The following NBAS variants were observed in gnomAD, a reference collection of about 807,000 sequenced individuals.
NBAS encodes NAG/BC035112 fusion.
Under a neutral mutation model 302.5 loss-of-function variants are expected in NBAS, and 219 were observed. That is an observed-to-expected ratio of 0.72 (90% CI 0.65 to 0.81). The LOEUF (loss-of-function observed/expected upper bound fraction) is 0.81. NBAS is among the 30% of genes least tolerant of loss of function. The pLI is 0.00. For missense variants in NBAS, 2,932 were observed against 2,841.6 expected (o/e 1.03, Z -0.72); for synonymous variants, 1,118 against 1,021.6 (o/e 1.09, Z -1.80).
the NBAS span, among the ~76,000 whole-genome samples, chr2:15,108,911 T>C: frequency 1.3e-5 from 2 of 152,128 alleles, no homozygotes; most frequent in African/African-American, 4.8e-5. Context: ...TAAAACCTGC[T>C]AAATACCACT....
At chr2:15,216,831 A>C (rs901294659) in intron 48 of NBAS, among the ~76,000 whole-genome samples, 1 of 152,228 alleles carries the variant, frequency 6.6e-6, no homozygotes, top group African/African-American at 2.4e-5. Context: ...CTGACATAAC[A>C]TAAAGTGAGG....
the NBAS span, among the ~76,000 whole-genome samples, chr2:14,946,877 G>A: frequency 1.8e-3 from 268 of 152,200 alleles, 1 homozygote; most frequent in African/African-American, 6.0e-3. Context: ...AGAAACCTCA[G>A]AAACTTCACA....
chr2:15,426,014 T>C (rs557933246), intron 22 of NBAS, among the ~76,000 whole-genome samples: 4 of 152,100 alleles, frequency 2.6e-5, no homozygotes, highest in Non-Finnish European at 5.9e-5. Context: ...TTAGCCCAGC[T>C]CTCTTCTTGC....
the NBAS span, among the ~76,000 whole-genome samples, chr2:14,854,541 T>TA: frequency 0.062 from 8,830 of 142,848 alleles, 816 homozygotes; most frequent in African/African-American, 0.21. Flanking sequence ...GAGATAAAAT[T>TA]AAAAAAAAAA....
the NBAS span, among the ~76,000 whole-genome samples, chr2:14,915,283 T>C: frequency 6.6e-6 from 1 of 152,230 alleles, no homozygotes; most frequent in African/African-American, 2.4e-5. Flanking sequence ...AGGAGCTCAG[T>C]GCTGAAAAAC....
chr2:15,485,409 A>G (rs1354475396), intron 12 of NBAS, among the ~76,000 whole-genome samples: 2 of 152,230 alleles, frequency 1.3e-5, no homozygotes, highest in Admixed American at 6.5e-5. Context: ...AAATGTGTGT[A>G]GTACACTCTG....
At chr2:15,332,772 C>G (rs1672411957) in intron 35 of NBAS, among the ~76,000 whole-genome samples, 1 of 152,216 alleles carries the variant, frequency 6.6e-6, no homozygotes, top group Admixed American at 6.5e-5. Flanking sequence ...GTGCCTCCTC[C>G]TGGGTTCCAG....
chr2:14,808,958 C>T, the NBAS span, among the ~76,000 whole-genome samples: 1 of 152,168 alleles, frequency 6.6e-6, no homozygotes, highest in African/African-American at 2.4e-5. Flanking sequence ...AGCAAAGAAA[C>T]TGGTGGCATT....
At chr2:15,012,520 G>A in the NBAS span, among the ~76,000 whole-genome samples, 11 of 152,078 alleles carry the variant, frequency 7.2e-5, 1 homozygote, top group Admixed American at 2.6e-4. Flanking sequence ...CTAAGTCTTG[G>A]GAGAGAGATG....
chr2:15,364,875 A>G (rs1172343372), intron 32 of NBAS, among the ~76,000 whole-genome samples: 1 of 152,062 alleles, frequency 6.6e-6, no homozygotes, highest in Admixed American at 6.5e-5. Flanking sequence ...TTTTCTGGAG[A>G]GAGAAAAATA....
At chr2:14,792,891 A>T in the NBAS span, among the ~76,000 whole-genome samples, 1 of 152,190 alleles carries the variant, frequency 6.6e-6, no homozygotes, top group African/African-American at 2.4e-5. Context: ...AAACTGTGTC[A>T]GCCTAAAATT....
chr2:15,352,510 G>A (rs1673411837), intron 34 of NBAS, among the ~76,000 whole-genome samples: 1 of 152,192 alleles, frequency 6.6e-6, no homozygotes, highest in Non-Finnish European at 1.5e-5. Flanking sequence ...GGAGGGATTT[G>A]AAGGACAAGT....
intron 30 of NBAS, among the ~76,000 whole-genome samples, chr2:15,379,199 T>C (rs531209838): frequency 6.6e-6 from 1 of 150,584 alleles, no homozygotes; most frequent in East Asian, 1.9e-4. Flanking sequence ...TCTCTCTCTT[T>C]TTTTTTTTCA....
intron 1 of NBAS, among the ~76,000 whole-genome samples, chr2:15,559,101 G>A (rs907902383): frequency 5.4e-4 from 75 of 137,980 alleles, no homozygotes; most frequent in Admixed American, 1.4e-3. Context: ...GACACAGGAC[G>A]CGGGACAATA....
At chr2:15,440,961 G>A (rs1368778713) in intron 21 of NBAS, among the ~76,000 whole-genome samples, 1 of 152,016 alleles carries the variant, frequency 6.6e-6, no homozygotes, top group Non-Finnish European at 1.5e-5. Flanking sequence ...AGAGAAAAAA[G>A]AATAAAAAGA....
At chr2:15,039,822 T>G in the NBAS span, among the ~76,000 whole-genome samples, 1 of 152,216 alleles carries the variant, frequency 6.6e-6, no homozygotes, top group Non-Finnish European at 1.5e-5. Flanking sequence ...CCTGGGAGGC[T>G]GATCATCTCC....
chr2:14,903,870 C>CA, the NBAS span, among the ~76,000 whole-genome samples: 3,479 of 152,194 alleles, frequency 0.023, 45 homozygotes, highest in Non-Finnish European at 0.036. Context: ...ATGTTAGACA[C>CA]AGCAGGGCCT....
At chr2:15,387,106 C>T (rs1343528786) in intron 28 of NBAS, among the ~76,000 whole-genome samples, 1 of 143,484 alleles carries the variant, frequency 7.0e-6, no homozygotes, top group African/African-American at 2.6e-5. Context: ...CTGAAGGAGT[C>T]GCCCAGGCTG....
chr2:15,523,930 TAAAC>T (rs368893692), intron 9 of NBAS, among the ~76,000 whole-genome samples: 5 of 151,868 alleles, frequency 3.3e-5, no homozygotes, highest in Non-Finnish European at 4.4e-5. Flanking sequence ...AATAAATAAA[TAAAC>T]AAACAAACAA....
Sources: gnomAD v4.1 joint callset for allele counts (sites outside exome capture counted in the v4.1 genomes callset) on GRCh38, gnomAD v4.1.1 for gene constraint, MANE v1.5 for transcripts, NCBI Gene and HGNC (gene_info 2026-07-23, HGNC 2026-07-21) for gene names.